The following C2CD3 variants were observed in gnomAD, a reference collection of about 807,000 sequenced individuals.
C2CD3 encodes the protein C2 domain containing 3 centriole elongation regulator.
Under a neutral mutation model 234.0 loss-of-function variants are expected in C2CD3, and 148 were observed. The ratio of observed to expected loss-of-function variants is 0.63; its 90% CI spans 0.55 to 0.72. The LOEUF is 0.72. C2CD3 is among the 30% of genes least tolerant of loss of function. The pLI is 0.00. For missense variants in C2CD3, 2,577 were observed against 2,811.5 expected (o/e 0.92, Z 1.89); for synonymous variants, 1,000 against 1,035.4 (o/e 0.97, Z 0.66).
chr11:74,038,281 G>T (rs891458255), intron 29 of C2CD3, among the ~76,000 whole-genome samples: 1 of 152,184 alleles, frequency 6.6e-6, no homozygotes. Flanking sequence ...AAGAATGCTG[G>T]ATGGATAAAA....
At chr11:74,115,505 T>C (rs1342525021) in intron 9 of C2CD3, among the ~76,000 whole-genome samples, 3 of 152,108 alleles carry the variant, frequency 2.0e-5, no homozygotes, top group Non-Finnish European at 2.9e-5. Context: ...ATTTAAATTA[T>C]ACCTATCTTG....
chr11:74,042,262 C>T (rs1953105334), intron 28 of C2CD3, 44 bp from the exon 29 acceptor site: 1 of 1,573,390 alleles, frequency 6.4e-7, no homozygotes, highest in African/African-American at 1.4e-5. Flanking sequence ...AAATAAATTC[C>T]CAATCAATGA....
chr11:74,101,306 C>T (rs961294903), intron 14 of C2CD3, among the ~76,000 whole-genome samples: 2 of 152,154 alleles, frequency 1.3e-5, no homozygotes, highest in African/African-American at 2.4e-5. Context: ...GTGGTAGAAT[C>T]AAGGGCCCAC....
At chr11:74,150,865 G>A (rs1037868626) in intron 3 of C2CD3, among the ~76,000 whole-genome samples, 2 of 151,644 alleles carry the variant, frequency 1.3e-5, no homozygotes, top group African/African-American at 4.8e-5. Context: ...TTTTACAATT[G>A]GTTTCTATGA....
intron 32 of C2CD3, among the ~76,000 whole-genome samples, chr11:74,023,418 G>A (rs1952166960): frequency 6.6e-6 from 1 of 152,232 alleles, no homozygotes. Flanking sequence ...TGTGGATACA[G>A]GACAGGGCTC....
At chr11:74,079,718 G>C (rs1423542174) in intron 22 of C2CD3, among the ~76,000 whole-genome samples, 3 of 151,944 alleles carry the variant, frequency 2.0e-5, no homozygotes, top group African/African-American at 7.3e-5. Flanking sequence ...CCAAGTAAGA[G>C]AGCTAGAATT....
chr11:74,048,065 T>A lies in C2CD3; in HGVS notation c.5495+140A>T, dbSNP rs1591329824. ...TGTTTTCATACGATCTTGGGGTTTT[T>A]GGAGTTGTGACAGAAGATCAACAAA... On this transcript the variant is annotated intron_variant, in intron 28 of 32. Coordinates refer to ENST00000334126, the MANE Select transcript of C2CD3 (RefSeq NM_001286577.2). 4 of 895,758 alleles carry A rather than the reference T, an allele frequency of 4.5e-6. No individual in the cohort carries two copies. In the East Asian group the frequency reaches 1.1e-4, roughly 24 times the overall value. 55.5% of individuals were successfully genotyped at this position (895,758 alleles called of 1,614,324 possible).
At chr11:74,123,533 A>T (rs904307652) in intron 7 of C2CD3, among the ~76,000 whole-genome samples, 1 of 152,176 alleles carries the variant, frequency 6.6e-6, no homozygotes, top group Non-Finnish European at 1.5e-5. Flanking sequence ...GATTTTGCAA[A>T]AAATTCACAG....
chr11:74,052,856 T>C (rs1303022303), intron 26 of C2CD3, among the ~76,000 whole-genome samples: 1 of 152,194 alleles, frequency 6.6e-6, no homozygotes, highest in East Asian at 1.9e-4. Flanking sequence ...TTACTAGGGT[T>C]TGAGGTTAGC....
chr11:74,049,845 A>G (rs1296464733), intron 26 of C2CD3, among the ~76,000 whole-genome samples: 1 of 147,512 alleles, frequency 6.8e-6, no homozygotes, highest in Non-Finnish European at 1.5e-5. Flanking sequence ...CAGTAGCATG[A>G]TCATAGTTCA....
chr11:74,055,435 A>C (rs1273157177), intron 25 of C2CD3, among the ~76,000 whole-genome samples: 1 of 152,258 alleles, frequency 6.6e-6, no homozygotes, highest in African/African-American at 2.4e-5. Context: ...ACCAGGTGCC[A>C]GTGCTCCAGG....
At chr11:74,116,987 C>CATATACGTGTATATATACACAT (rs1956987011) in intron 9 of C2CD3, among the ~76,000 whole-genome samples, 1 of 73,186 alleles carries the variant, frequency 1.4e-5, no homozygotes, top group Non-Finnish European at 2.9e-5. Context: ...TATATATACA[C>CATATACGTGTATATATACACAT]ATATACGTGT....
chr11:74,168,251 T>A, intron 2 of C2CD3, 93 bp downstream of exon 2: 15 of 990,598 alleles, frequency 1.5e-5, no homozygotes, highest in Non-Finnish European at 1.8e-5. Context: ...AGAATGCCCA[T>A]ATATGCTAGG....
chr11:74,036,340 C>A, intron 30 of C2CD3: 1 of 415,742 alleles, frequency 2.4e-6, no homozygotes, highest in Non-Finnish European at 4.8e-6. Context: ...CTGTCATATC[C>A]ACCACTGTAT....
chr11:74,086,015 T>A, intron 20 of C2CD3, 129 bp from the exon 21 acceptor site: 1 of 962,056 alleles, frequency 1.0e-6, no homozygotes, highest in Non-Finnish European at 1.5e-6. Flanking sequence ...GCTTTCTATC[T>A]AGGCTTTTGG....
At chr11:74,098,414 C>G (rs1956191394) in intron 15 of C2CD3, among the ~76,000 whole-genome samples, 159 bp from the exon 16 acceptor site, 1 of 152,092 alleles carries the variant, frequency 6.6e-6, no homozygotes, top group Admixed American at 6.6e-5. Flanking sequence ...AGTAACCTAC[C>G]AAATAAAAAT....
chr11:74,150,492 C>CAAAAAAAAAAAAAAAAA (rs769668218), intron 3 of C2CD3, among the ~76,000 whole-genome samples: 6 of 16,230 alleles, frequency 3.7e-4, no homozygotes, highest in African/African-American at 5.2e-4. Context: ...GACCCTGTCT[C>CAAAAAAAAAAAAAAAAA]AAAAAAAAAA....
chr11:74,053,379 C>A (rs1056494095), intron 26 of C2CD3, among the ~76,000 whole-genome samples: 2 of 152,154 alleles, frequency 1.3e-5, no homozygotes, highest in Non-Finnish European at 2.9e-5. Context: ...TTATTAGCCT[C>A]AATTTTATAG....
chr11:74,086,726 G>A (rs942826701), intron 20 of C2CD3, among the ~76,000 whole-genome samples: 8 of 152,308 alleles, frequency 5.3e-5, no homozygotes, highest in Non-Finnish European at 8.8e-5. Flanking sequence ...CACTCATAAA[G>A]AGTAGTCAAG....
Sources: allele counts gnomAD v4.1 joint callset (sites outside exome capture counted in the v4.1 genomes callset), GRCh38; gene constraint gnomAD v4.1.1; transcripts MANE v1.5; gene names NCBI Gene and HGNC (gene_info 2026-07-23, HGNC 2026-07-21).